The following ZAN variants were observed in gnomAD, a reference collection of about 807,000 sequenced individuals.
ZAN encodes the protein zonadhesin (gene/pseudogene).
A neutral mutation model predicts 286.2 loss-of-function variants in ZAN; 260 were observed. That is an observed-to-expected ratio of 0.91 (90% confidence interval 0.82 to 1.01). ZAN has a LOEUF of 1.01. ZAN is among the 50% of genes least tolerant of loss of function. ZAN has a pLI of 0.00. For synonymous variants in ZAN, 1,368 were observed against 1,417.5 expected (o/e 0.97, Z 0.79); for missense variants, 3,410 against 3,639.2 (o/e 0.94, Z 1.62).
At position 100,795,276 on chromosome 7, in the gene ZAN, G is replaced by T. The variant is rs1162554712; in HGVS notation, c.8206G>T (p.Val2736Phe). ...AGCCACCTTCACCTGCGAGTGTGAA[G>T]TTGGTTACGGGGGAGGCCTGTGTAT... The part of the protein sequence containing the change: ...QGATFTCECE[V>F]GYGGGLCMEP... The change falls in exon 45 of 48, where the codon GTT becomes TTT. Residue 2736 changes from valine (V) to phenylalanine (F), a missense_variant. Val to Phe is a conservative substitution (Grantham distance 50). This residue lies in a region of ZAN where 1,289 missense variants were observed against 1,314.3 expected (regional missense o/e 0.98). Coordinates refer to ENST00000613979, the MANE Select transcript of ZAN (RefSeq NM_003386.3). 1 of 1,611,804 alleles carries T rather than the reference G, an allele frequency of 6.2e-7. No homozygotes were observed. The highest frequency in any genetic ancestry group is 1.7e-5 in the Admixed American group (1 of 59,764).
At position 100,774,666 on chromosome 7, in the gene ZAN, A is replaced by T. The variant is rs533588133; in HGVS notation, c.5780-662A>T. Among the ~76,000 whole-genome samples, 312 of 151,840 alleles carry T rather than the reference A, an allele frequency of 2.1e-3. 2 individuals carry two copies. Among genetic ancestry groups the T allele is most frequent in the African/African-American group, 6.7e-3 (278 of 41,436 alleles). The stretch of plus-strand genomic sequence containing the variant: ...GAACAAGACCCTGTCTCTAAAAAAA[A>T]TTTTTTTTAATTAGTTGAATAGGGT... On this transcript the variant is annotated intron_variant, in intron 31 of 47. Coordinates refer to ENST00000613979, the MANE Select transcript of ZAN (RefSeq NM_003386.3).
In ZAN at chr7:100,769,936, C is replaced by G; in HGVS notation, c.5210C>G (p.Ala1737Gly). 2 of 1,567,672 alleles carry G rather than the reference C, an allele frequency of 1.3e-6. No homozygotes were observed. The highest frequency in any genetic ancestry group is 2.4e-5 in the South Asian group (2 of 85,020). Residue 1737 changes from alanine (A) to glycine (G), a missense_variant, in exon 28 of 48, where the codon GCC (alanine) becomes GGC (glycine). Around this residue, in one of 7 missense-constraint regions of ZAN, gnomAD observed 1,042 missense variants for 1,058.0 expected, o/e 0.98. Coordinates refer to ENST00000613979, the MANE Select transcript of ZAN (RefSeq NM_003386.3). ...SSCQENSMADAWNKNCAILIN... is the reference protein window; with the variant it reads ...SSCQENSMADGWNKNCAILIN... Reference sequence around the variant, plus strand: ...TGCCAGGAGAACAGCATGGCAGACGCCTGGAACAAGAACTGTGCGATCTTA... The same window carrying G: ...TGCCAGGAGAACAGCATGGCAGACGGCTGGAACAAGAACTGTGCGATCTTA...
intron 14 of ZAN, 29 bp downstream of exon 14, chr7:100,753,258 G>C: frequency 6.5e-7 from 1 of 1,541,332 alleles, no homozygotes; most frequent in Non-Finnish European, 8.7e-7. Flanking sequence ...GTGGGCCAAG[G>C]CTGAAAGTCA....
chr7:100,775,497 T>G lies in ZAN; in HGVS notation c.5949T>G (p.Thr1983=). ...SAKHEKEEGG[T]EAFRLHEVYI... is the part of the protein sequence containing the mutation. ...AGCATGAGAAGGAGGAAGGTGGAACTGAGGCTTTCCGCCTTCATGAGGTCT... is the reference window on the plus strand; with the variant it reads ...AGCATGAGAAGGAGGAAGGTGGAACGGAGGCTTTCCGCCTTCATGAGGTCT... The change falls in exon 32 of 48, where the codon ACT becomes ACG. Residue 1983 remains threonine, a synonymous_variant. Coordinates refer to ENST00000613979, the MANE Select transcript of ZAN (RefSeq NM_003386.3). 1 of 1,613,976 alleles carries G rather than the reference T, an allele frequency of 6.2e-7. No homozygotes were observed. The highest frequency in any genetic ancestry group is 8.5e-7 in the Non-Finnish European group (1 of 1,179,888).
In ZAN at chr7:100,785,817, C is replaced by T. The variant is rs1371456847; in HGVS notation, c.6835-180C>T. On this transcript the variant is annotated intron_variant, in intron 36 of 47. Coordinates refer to ENST00000613979, the MANE Select transcript of ZAN (RefSeq NM_003386.3). Reference sequence around the variant, plus strand: ...GGGATTACAAGTGTGTGCTACCACACCTGGCTAATTTTTGTATTTTTAGTA... The same window carrying T: ...GGGATTACAAGTGTGTGCTACCACATCTGGCTAATTTTTGTATTTTTAGTA... Among the ~76,000 whole-genome samples the T allele has an allele frequency of 2.0e-5, 3 of 152,004 alleles. No individual in the cohort carries two copies. The South Asian group carries it at 6.2e-4, about 32-fold the overall frequency.
chr7:100,777,291 C>T (rs939095474), intron 34 of ZAN, among the ~76,000 whole-genome samples: 1 of 152,022 alleles, frequency 6.6e-6, no homozygotes, highest in Non-Finnish European at 1.5e-5. Context: ...GCAATGTGGC[C>T]GCCTTGGCCT....
chr7:100,743,420 TCTTC>T (rs1165174938), intron 7 of ZAN, among the ~76,000 whole-genome samples: 1 of 152,092 alleles, frequency 6.6e-6, no homozygotes, highest in Non-Finnish European at 1.5e-5. Context: ...ACTGTTGACT[TCTTC>T]CTTTTCTCTC....
chr7:100,779,908 T>C (rs1212313805), intron 35 of ZAN, among the ~76,000 whole-genome samples, 158 bp downstream of exon 35: 2 of 152,210 alleles, frequency 1.3e-5, no homozygotes, highest in Non-Finnish European at 2.9e-5. Context: ...ATATAAAATT[T>C]TTTTTGCTGG....
rs369848226 is a variant in ZAN at position 100,764,233 on chromosome 7, G to A, written c.4267+37G>A. The A allele has an allele frequency of 1.6e-4, 229 of 1,475,290 alleles. 1 individual carries two copies. The African/African-American group carries it at 2.6e-3, about 17-fold the overall frequency. 91.4% of individuals were successfully genotyped at this position (1,475,290 alleles called of 1,614,324 possible). A position where few individuals can be genotyped will look rare whatever the true frequency, so the allele number is the denominator to read the frequency against. On this transcript the variant is annotated intron_variant, in intron 22 of 47. Transcript: ENST00000613979. ...CAAACTCAGAGGAGAGGCCGGGCAC[G>A]GTGGCTCACACCTATAATCCCAGCA... is the stretch of plus-strand genomic sequence containing the variant.
rs1808379033 is a variant in ZAN, at chr7:100,748,364, C to T, written c.1143C>T (p.Pro381=). Residue 381 remains proline (P), a synonymous_variant, in exon 11 of 48, where the codon CCC becomes CCT. Coordinates refer to ENST00000613979, the MANE Select transcript of ZAN (RefSeq NM_003386.3). ...PQCDFEDNAH[P]FCDWVQTSGD... ...GTGACTTTGAAGACAACGCCCATCC[C>T]TTCTGTGACTGGGTCCAGACTTCCG... 6.2e-7 allele frequency: 1 copy of T among 1,613,998 alleles called. No individual in the cohort carries two copies. Among genetic ancestry groups the T allele is most frequent in the East Asian group, 2.2e-5 (1 of 44,880 alleles).
At chr7:100,788,538 A>C (rs1811729372) in intron 38 of ZAN, among the ~76,000 whole-genome samples, 9 of 151,898 alleles carry the variant, frequency 5.9e-5, no homozygotes, top group Admixed American at 5.9e-4. Context: ...GGTGACAGAG[A>C]GAAACTGTCT....
chr7:100,772,787 C>T (rs1161645514), intron 29 of ZAN, among the ~76,000 whole-genome samples: 1 of 151,446 alleles, frequency 6.6e-6, no homozygotes, highest in African/African-American at 2.4e-5. Flanking sequence ...TGCCACTGCA[C>T]TCCAGCCTGG....
intron 15 of ZAN, among the ~76,000 whole-genome samples, chr7:100,756,465 T>C (rs1809154726): frequency 6.6e-6 from 1 of 151,934 alleles, no homozygotes; most frequent in African/African-American, 2.4e-5. Context: ...AGCTATTCAT[T>C]AATGTGCAGA....
chr7:100,772,274 A>G (rs1252587445), intron 29 of ZAN, among the ~76,000 whole-genome samples: 1 of 151,416 alleles, frequency 6.6e-6, no homozygotes, highest in African/African-American at 2.4e-5. Context: ...TCTATTAAAA[A>G]TACAAAACTT....
intron 39 of ZAN, among the ~76,000 whole-genome samples, chr7:100,790,513 G>T (rs1282806567): frequency 2.0e-5 from 3 of 146,734 alleles, no homozygotes; most frequent in Non-Finnish European, 3.0e-5. Flanking sequence ...AGTGAGCGGA[G>T]ATCACACCGC....
At chr7:100,791,907 C>A (rs1189355578) in intron 40 of ZAN, 59 bp from the exon 41 acceptor site, 4 of 1,532,502 alleles carry the variant, frequency 2.6e-6, no homozygotes, top group Non-Finnish European at 3.5e-6. Context: ...AGTTCTTCTT[C>A]TTCCCCCACT....
chr7:100,775,357 T>G lies in ZAN; in HGVS notation c.5809T>G (p.Ser1937Ala). Reference protein sequence around the residue: ...GVGVCQLPGESHYVSFDGSNH... With the variant: ...GVGVCQLPGEAHYVSFDGSNH... ...GGGAGTGTGTCAGCTCCCAGGGGAG[T>G]CCCACTACGTGAGCTTTGATGGTAG... Residue 1937 changes from serine to alanine, a missense_variant, in exon 32 of 48, where the codon TCC becomes GCC. Physicochemically the swap from Ser to Ala is moderately conservative, Grantham distance 99 (BLOSUM62 1). Around this residue, in one of 7 missense-constraint regions of ZAN, gnomAD observed 1,289 missense variants for 1,314.3 expected, o/e 0.98. Transcript: ENST00000613979. The G allele has an allele frequency of 6.2e-7, 1 of 1,613,100 alleles. No individual in the cohort carries two copies. Among genetic ancestry groups the G allele is most frequent in the African/African-American group, 1.3e-5 (1 of 74,876 alleles).
chr7:100,771,997 C>T lies in ZAN; in HGVS notation c.5402C>T (p.Ala1801Val). The change falls in exon 29 of 48, where the codon GCC becomes GTC. Residue 1801 changes from alanine (A) to valine (V), a missense_variant. Ala to Val is a moderately conservative substitution (Grantham distance 64). This residue lies in a region of ZAN where 1,289 missense variants were observed against 1,314.3 expected (regional missense o/e 0.98). Coordinates refer to ENST00000613979, the MANE Select transcript of ZAN (RefSeq NM_003386.3). The part of the protein sequence containing the change: ...SLCAQAGQAP[A>V]WRNRTFCPMR... ...TGTGCCCAGGCTGGCCAGGCCCCTG[C>T]CTGGCGGAACAGAACCTTCTGCCGT... 6.2e-7 allele frequency: 1 copy of T among 1,604,664 alleles called. No individual in the cohort carries two copies. Among genetic ancestry groups the T allele is most frequent in the Non-Finnish European group, 8.5e-7 (1 of 1,178,022 alleles).
In ZAN at chr7:100,742,285, C is replaced by T. The variant is rs1216333416; in HGVS notation, c.766+3672C>T. 7.8e-5 allele frequency among the ~76,000 whole-genome samples: 8 copies of T among 102,512 alleles called. 1 individual carries two copies. Among genetic ancestry groups the T allele is most frequent in the Admixed American group, 5.5e-4 (6 of 10,974 alleles). 67.3% of individuals were successfully genotyped at this position (102,512 alleles called of 152,430 possible). Reference sequence around the variant, plus strand: ...CAGACGATGGGCGGCCGGGCAGAGACGCTCCTCACTTCCTAGATGTGATGG... The same window carrying T: ...CAGACGATGGGCGGCCGGGCAGAGATGCTCCTCACTTCCTAGATGTGATGG... On this transcript the variant is annotated intron_variant, in intron 7 of 47. Transcript: ENST00000613979.
Sources: allele counts gnomAD v4.1 joint callset (sites outside exome capture counted in the v4.1 genomes callset), GRCh38; gene constraint gnomAD v4.1.1; regional missense constraint gnomAD v4.1.1; transcripts MANE v1.5; gene names NCBI Gene and HGNC (gene_info 2026-07-23, HGNC 2026-07-21).